Variants in MID1 observed in about 807,000 individuals in gnomAD.
The protein encoded by MID1 is E3 ubiquitin-protein ligase Midline-1.
A neutral mutation model predicts 40.4 loss-of-function variants in MID1; 7 were observed. That is an observed-to-expected ratio of 0.17 (90% CI 0.10 to 0.33). The LOEUF is 0.33. Among genes scored for constraint, MID1 ranks in the 10% least tolerant of loss-of-function variants. The pLI is 1.00. For missense variants in MID1, 367 were observed against 558.5 expected, an observed-to-expected ratio of 0.66 and a Z score of 3.46; for synonymous variants, 229 against 221.2, an observed-to-expected ratio of 1.04 and a Z score of -0.31.
At chrX:10,486,735 A>G (rs988058257) in intron 4 of MID1, among the ~76,000 whole-genome samples, 21 of 112,806 alleles carry the variant, frequency 1.9e-4, no homozygotes, top group African/African-American at 6.1e-4. Flanking sequence ...TAAAAAGTGA[A>G]GCATTCCATA....
intron 1 of MID1, among the ~76,000 whole-genome samples, chrX:10,580,067 G>C (rs1177658636): frequency 9.1e-6 from 1 of 110,219 alleles, no homozygotes; most frequent in African/African-American, 3.3e-5. Flanking sequence ...AGGTGGCACA[G>C]ATCTTTAAGT....
At chrX:10,637,291 G>A (rs1936129583) in intron 1 of MID1, among the ~76,000 whole-genome samples, 2 of 109,684 alleles carry the variant, frequency 1.8e-5, no homozygotes, top group Non-Finnish European at 1.9e-5. Flanking sequence ...TTTTAAATTG[G>A]TTTCAATAGG....
intron 6 of MID1, among the ~76,000 whole-genome samples, chrX:10,472,186 A>AATGTC (rs1189045203): frequency 1.8e-5 from 2 of 112,459 alleles, no homozygotes; most frequent in African/African-American, 3.2e-5. Flanking sequence ...CCTGCTTACA[A>AATGTC]ATGTCATAAA....
intron 7 of MID1, chrX:10,460,015 C>T (rs894322441): frequency 3.0e-4 from 136 of 453,995 alleles, no homozygotes; most frequent in Admixed American, 1.0e-3. Context: ...CCTGTATATC[C>T]AGGCCCAAAT....
chrX:10,730,106 G>GAATA (rs200112053), intron 1 of MID1, among the ~76,000 whole-genome samples: 7 of 106,249 alleles, frequency 6.6e-5, no homozygotes, highest in Non-Finnish European at 1.4e-4. Flanking sequence ...ATAAATAAAT[G>GAATA]AATAAATAAA....
rs1328116551 is a variant in MID1 at position 10,586,061 on chromosome X, C to T, written c.-56-18458G>A. Reference sequence around the variant, plus strand: ...GGCTCAGATGGGTCATAACACACATCAGGTTGGTCATTTCCCGGGCTACAT... The same window carrying T: ...GGCTCAGATGGGTCATAACACACATTAGGTTGGTCATTTCCCGGGCTACAT... On this transcript the variant is annotated intron_variant, in intron 1 of 9. Transcript: ENST00000317552. Among the ~76,000 whole-genome samples, 10 of 111,399 alleles carry T rather than the reference C, an allele frequency of 9.0e-5. No individual in the cohort carries two copies. The Admixed American group carries it at 9.5e-4, about 11-fold the overall frequency.
chrX:10,679,038 C>T (rs964059978), intron 1 of MID1, among the ~76,000 whole-genome samples: 6 of 111,597 alleles, frequency 5.4e-5, no homozygotes, highest in Non-Finnish European at 1.1e-4. Context: ...TTCTAGGCAC[C>T]TATTCTACAC....
intron 1 of MID1, among the ~76,000 whole-genome samples, chrX:10,825,474 G>C (rs2044208961): frequency 8.9e-6 from 1 of 112,074 alleles, no homozygotes; most frequent in Non-Finnish European, 1.9e-5. Flanking sequence ...TAGAAAAACG[G>C]AATGGCAAAA....
At chrX:10,669,230 T>TAAAA (rs761817483) in intron 1 of MID1, among the ~76,000 whole-genome samples, 3 of 47,016 alleles carry the variant, frequency 6.4e-5, no homozygotes, top group Non-Finnish European at 1.2e-4. Flanking sequence ...CGTCTCAAAA[T>TAAAA]AAAAAAAAAA....
At chrX:10,628,721 A>G (rs1023225511) in intron 1 of MID1, among the ~76,000 whole-genome samples, 2 of 112,100 alleles carry the variant, frequency 1.8e-5, no homozygotes, top group Non-Finnish European at 3.8e-5. Context: ...GTCTAATGAG[A>G]TAAAAATACG....
intron 1 of MID1, among the ~76,000 whole-genome samples, chrX:10,730,840 C>T (rs2043443771): frequency 9.0e-6 from 1 of 111,270 alleles, no homozygotes; most frequent in Non-Finnish European, 1.9e-5. Context: ...TCCCAAAGTG[C>T]TGGGATTACA....
chrX:10,764,145 T>C (rs1309725850), intron 1 of MID1, among the ~76,000 whole-genome samples: 3 of 112,046 alleles, frequency 2.7e-5, no homozygotes, highest in Non-Finnish European at 3.8e-5. Flanking sequence ...TAGTTTCTTT[T>C]GCTGTGCAGA....
chrX:10,512,366 A>C (rs151162811), intron 3 of MID1, among the ~76,000 whole-genome samples: 3,448 of 112,299 alleles, frequency 0.031, 89 homozygotes, highest in African/African-American at 0.078. Flanking sequence ...GTTCAGTAAC[A>C]ACTCCAGTTA....
chrX:10,580,604 T>C lies in MID1; in HGVS notation c.-56-13001A>G, dbSNP rs776267780. On this transcript the variant is annotated intron_variant, in intron 1 of 9. Coordinates refer to ENST00000317552, the MANE Select transcript of MID1 (RefSeq NM_000381.4). ...TTAATAAAACATCATCATAGCTTAT[T>C]GGACTTATCACATAAGAATTATTAT... is the stretch of plus-strand genomic sequence containing the variant. Among the ~76,000 whole-genome samples the C allele has an allele frequency of 3.6e-5, 4 of 111,873 alleles. No individual in the cohort carries two copies. In the South Asian group the frequency reaches 1.5e-3, roughly 42 times the overall value.
intron 1 of MID1, among the ~76,000 whole-genome samples, chrX:10,755,724 C>T (rs1297830682): frequency 1.8e-5 from 2 of 111,906 alleles, no homozygotes; most frequent in Non-Finnish European, 3.8e-5. Flanking sequence ...CTCCTGGGAG[C>T]CTGTTGTGAG....
rs41303177 is a variant in MID1 at position 10,495,833 on chromosome X, T to G, written c.757-142A>C. On this transcript the variant is annotated intron_variant, in intron 3 of 9. Coordinates refer to ENST00000317552, the MANE Select transcript of MID1 (RefSeq NM_000381.4). Reference sequence around the variant, plus strand: ...ACTCTTTGTCCGATTACGCAAGGATTGCAAATATAGGACTTACATGGCCAC... The same window carrying G: ...ACTCTTTGTCCGATTACGCAAGGATGGCAAATATAGGACTTACATGGCCAC... 17,668 of 500,706 alleles carry G rather than the reference T, an allele frequency of 0.035. 1,079 individuals are homozygous for G. Among genetic ancestry groups the G allele is most frequent in the African/African-American group, 0.25 (10,514 of 42,503 alleles). 41.3% of individuals were successfully genotyped at this position (500,706 alleles called of 1,213,427 possible). A position where few individuals can be genotyped will look rare whatever the true frequency, so the allele number is the denominator to read the frequency against.
At chrX:10,762,236 A>G (rs1199648932) in intron 1 of MID1, among the ~76,000 whole-genome samples, 1 of 111,521 alleles carries the variant, frequency 9.0e-6, no homozygotes, top group Non-Finnish European at 1.9e-5. Flanking sequence ...TATTTCTTTT[A>G]ATGTTTTGCT....
chrX:10,472,830 A>G (rs1196604084), intron 6 of MID1, among the ~76,000 whole-genome samples: 2 of 112,133 alleles, frequency 1.8e-5, no homozygotes, highest in African/African-American at 6.5e-5. Flanking sequence ...GGAAAAAAGA[A>G]AGAGCCTGGG....
intron 1 of MID1, among the ~76,000 whole-genome samples, chrX:10,660,270 G>A (rs2042901508): frequency 8.9e-6 from 1 of 112,715 alleles, no homozygotes; most frequent in Admixed American, 9.4e-5. Flanking sequence ...CACTGAGGCT[G>A]TGCCACATTC....
Sources: gnomAD v4.1 joint callset for allele counts (sites outside exome capture counted in the v4.1 genomes callset) on GRCh38, gnomAD v4.1.1 for gene constraint, MANE v1.5 for transcripts, NCBI Gene and HGNC (gene_info 2026-07-23, HGNC 2026-07-21) for gene names.